Variants in SAE1 observed in about 807,000 individuals in gnomAD.
SAE1 encodes the protein SUMO1 activating enzyme subunit 1, also known as SUMO-activating enzyme subunit 1.
SAE1 carries 11 observed loss-of-function variants against 40.6 expected under a neutral mutation model. The ratio of observed to expected loss-of-function variants is 0.27; its 90% CI spans 0.17 to 0.45. The LOEUF (loss-of-function observed/expected upper bound fraction) is 0.45. Ranked by LOEUF, SAE1 falls within the 20% of genes least tolerant of loss-of-function variation. The pLI is 1.00. For synonymous variants in SAE1, 155 were observed against 154.3 expected (o/e 1.00, Z -0.03); for missense variants, 373 against 427.3 (o/e 0.87, Z 1.12).
intron 1 of SAE1, among the ~76,000 whole-genome samples, chr19:47,135,086 A>C (rs2058170037): frequency 6.6e-6 from 1 of 152,082 alleles, no homozygotes; most frequent in Non-Finnish European, 1.5e-5. Flanking sequence ...GGTATGTGAG[A>C]TACTTTGATA....
intron 5 of SAE1, among the ~76,000 whole-genome samples, chr19:47,163,774 T>C (rs541638349): frequency 1.3e-5 from 2 of 152,246 alleles, no homozygotes; most frequent in African/African-American, 4.8e-5. Context: ...ACGTAGAGTA[T>C]ATGCAAGTAC....
At chr19:47,145,313 G>A (rs555066120) in intron 2 of SAE1, among the ~76,000 whole-genome samples, 2 of 151,884 alleles carry the variant, frequency 1.3e-5, no homozygotes, top group Non-Finnish European at 2.9e-5. Flanking sequence ...GCCTGGCTAA[G>A]TTTTGTTATT....
intron 5 of SAE1, among the ~76,000 whole-genome samples, chr19:47,157,127 C>T (rs148237581): frequency 8.4e-4 from 128 of 152,274 alleles, no homozygotes; most frequent in African/African-American, 3.0e-3. Flanking sequence ...TCCAGCAAGG[C>T]GGCGTTGGAG....
chr19:47,207,092 G>A (rs775956067), intron 8 of SAE1, among the ~76,000 whole-genome samples: 1 of 152,068 alleles, frequency 6.6e-6, no homozygotes, highest in Non-Finnish European at 1.5e-5. Context: ...AGACTAGCTT[G>A]GGCAACATGA....
At chr19:47,152,836 C>T (rs2058295666) in intron 3 of SAE1, 62 bp from the exon 4 acceptor site, 4 of 1,498,924 alleles carry the variant, frequency 2.7e-6, no homozygotes, top group African/African-American at 1.4e-5. Context: ...TTTATTTAGA[C>T]ATCAGGGCAG....
chr19:47,168,933 T>A (rs773296249), intron 5 of SAE1, among the ~76,000 whole-genome samples: 3 of 152,186 alleles, frequency 2.0e-5, no homozygotes, highest in Non-Finnish European at 2.9e-5. Context: ...GTAAAATATA[T>A]GTCATTGCAT....
intron 8 of SAE1, among the ~76,000 whole-genome samples, chr19:47,206,825 C>T (rs1338616582): frequency 5.9e-5 from 9 of 152,140 alleles, no homozygotes; most frequent in Non-Finnish European, 8.8e-5. Flanking sequence ...ACTACGTGCT[C>T]GGCACTTTAC....
chr19:47,204,497 CG>C (rs2058674600), intron 8 of SAE1, among the ~76,000 whole-genome samples: 1 of 125,028 alleles, frequency 8.0e-6, no homozygotes, highest in Non-Finnish European at 1.6e-5. Flanking sequence ...TGTACCCAGC[CG>C]CACCCCCCCC....
chr19:47,175,337 G>C (rs2058462817), intron 6 of SAE1, among the ~76,000 whole-genome samples: 1 of 152,128 alleles, frequency 6.6e-6, no homozygotes, highest in South Asian at 2.1e-4. Flanking sequence ...GACCAAGGTT[G>C]AGCATGGTTG....
chr19:47,166,119 C>G (rs1223571563), intron 5 of SAE1, among the ~76,000 whole-genome samples: 1 of 152,198 alleles, frequency 6.6e-6, no homozygotes, highest in African/African-American at 2.4e-5. Context: ...GGCTGCTTCC[C>G]TGTTCTGCCT....
chr19:47,137,761 C>G (rs927990834), intron 1 of SAE1, among the ~76,000 whole-genome samples: 1 of 147,206 alleles, frequency 6.8e-6, no homozygotes, highest in African/African-American at 2.5e-5. Context: ...TGGACTCTCA[C>G]TCTGTCGCCC....
rs115635670 is a variant in SAE1, at chr19:47,180,143, T to G, written c.733+10220T>G. The G allele has an allele frequency of 1.5e-3, 686 of 455,974 alleles. 2 individuals are homozygous for G. Among genetic ancestry groups the G allele is most frequent in the African/African-American group, 0.012 (614 of 50,178 alleles). The allele number at this position is 455,974 out of a possible 1,614,324, so 28.2% of individuals were successfully genotyped here. On this transcript the variant is annotated intron_variant, in intron 6 of 8. Coordinates refer to ENST00000270225, the MANE Select transcript of SAE1 (RefSeq NM_005500.3). ...TCCACTTTTACACGTGTTTATTTCC[T>G]AGAATTGTTTCCTAGAATTGTTGAG...
intron 1 of SAE1, among the ~76,000 whole-genome samples, chr19:47,141,193 G>A (rs1410019477): frequency 3.9e-5 from 6 of 152,240 alleles, no homozygotes; most frequent in African/African-American, 1.2e-4. Context: ...GTAGAGACAC[G>A]GTTTTGCCAT....
At chr19:47,172,741 A>G (rs1227796487) in intron 6 of SAE1, among the ~76,000 whole-genome samples, 1 of 150,974 alleles carries the variant, frequency 6.6e-6, no homozygotes, top group Non-Finnish European at 1.5e-5. Context: ...CAGATCATCT[A>G]CTCCAGAGTT....
chr19:47,192,719 T>C (rs1259149895), intron 6 of SAE1, among the ~76,000 whole-genome samples: 1 of 151,920 alleles, frequency 6.6e-6, no homozygotes, highest in East Asian at 1.9e-4. Flanking sequence ...TTCCTATTTT[T>C]AGTAGAGATG....
At chr19:47,200,825 A>G (rs2058649441) in intron 7 of SAE1, among the ~76,000 whole-genome samples, 1 of 152,056 alleles carries the variant, frequency 6.6e-6, no homozygotes, top group Admixed American at 6.6e-5. Context: ...TATGGCCCAT[A>G]AAGCTGAAAA....
chr19:47,152,815 G>A, intron 3 of SAE1, 83 bp from the exon 4 acceptor site: 2 of 1,353,824 alleles, frequency 1.5e-6, no homozygotes, highest in South Asian at 2.5e-5. Context: ...CAGAGAGACT[G>A]TTCATTAAGA....
At chr19:47,175,190 G>A (rs961698817) in intron 6 of SAE1, among the ~76,000 whole-genome samples, 3 of 147,598 alleles carry the variant, frequency 2.0e-5, no homozygotes, top group East Asian at 4.0e-4. Flanking sequence ...GGTGGCTTTG[G>A]GGGATATCCA....
At chr19:47,201,703 G>C (rs775553786) in intron 7 of SAE1, among the ~76,000 whole-genome samples, 10 of 151,588 alleles carry the variant, frequency 6.6e-5, no homozygotes, top group Non-Finnish European at 1.2e-4. Context: ...GCACCATCTC[G>C]GCTCACTGCA....
Sources: gnomAD v4.1 joint callset for allele counts (sites outside exome capture counted in the v4.1 genomes callset) on GRCh38, gnomAD v4.1.1 for gene constraint, MANE v1.5 for transcripts, NCBI Gene and HGNC (gene_info 2026-07-23, HGNC 2026-07-21) for gene names.